The following SLC24A2 variants were observed in gnomAD, a reference collection of about 807,000 sequenced individuals.
SLC24A2 encodes solute carrier family 24 member 2.
A neutral mutation model predicts 62.0 loss-of-function variants in SLC24A2; 36 were observed. The observed-to-expected ratio is 0.58, with a 90% CI of 0.44 to 0.77. SLC24A2 has a LOEUF of 0.77. Among genes scored for constraint, SLC24A2 ranks in the 30% least tolerant of loss-of-function variants. The pLI is 0.00. For missense variants in SLC24A2, 846 were observed against 817.9 expected, an observed-to-expected ratio of 1.03 and a Z score of -0.42; for synonymous variants, 358 against 294.0, an observed-to-expected ratio of 1.22 and a Z score of -2.23.
the SLC24A2 span, among the ~76,000 whole-genome samples, chr9:19,973,593 A>G: frequency 2.6e-4 from 39 of 152,270 alleles, no homozygotes; most frequent in Non-Finnish European, 5.1e-4. Context: ...ATATTTCTGA[A>G]TTTTGTCCTC....
the SLC24A2 span, among the ~76,000 whole-genome samples, chr9:20,036,932 G>A: frequency 5.0e-5 from 1 of 19,856 alleles, no homozygotes; most frequent in Admixed American, 8.0e-4. Context: ...AGTTTTGCTC[G>A]TTACCCAGGC....
the SLC24A2 span, among the ~76,000 whole-genome samples, chr9:20,159,127 T>C: frequency 5.3e-5 from 8 of 151,674 alleles, no homozygotes; most frequent in East Asian, 1.9e-4. Context: ...TCAAGATTTA[T>C]ACCAAGGCAA....
chr9:20,118,338 T>C, the SLC24A2 span, among the ~76,000 whole-genome samples: 1 of 152,142 alleles, frequency 6.6e-6, no homozygotes, highest in Non-Finnish European at 1.5e-5. Context: ...GGAAATTCAT[T>C]ATACATTTCT....
chr9:19,856,497 GT>G, the SLC24A2 span, among the ~76,000 whole-genome samples: 135 of 152,124 alleles, frequency 8.9e-4, no homozygotes, highest in African/African-American at 3.1e-3. Flanking sequence ...TTATGTTGTT[GT>G]TGTTGCTGTT....
intron 7 of SLC24A2, among the ~76,000 whole-genome samples, chr9:19,559,809 T>TAAAC (rs1206236694): frequency 1.3e-5 from 2 of 152,202 alleles, no homozygotes; most frequent in South Asian, 2.1e-4. Context: ...CATTGTTTCC[T>TAAAC]AAACATATTG....
intron 2 of SLC24A2, among the ~76,000 whole-genome samples, chr9:19,743,822 A>G (rs773800547): frequency 1.3e-5 from 2 of 152,134 alleles, no homozygotes; most frequent in Admixed American, 1.3e-4. Flanking sequence ...TAGATACTCT[A>G]CAGAAGGATG....
At chr9:19,868,884 T>C in the SLC24A2 span, among the ~76,000 whole-genome samples, 8,728 of 152,270 alleles carry the variant, frequency 0.057, 345 homozygotes, top group African/African-American at 0.1. Context: ...GTCACTTTCA[T>C]TCAAAGTTGA....
At chr9:20,247,257 A>T in the SLC24A2 span, among the ~76,000 whole-genome samples, 1 of 152,142 alleles carries the variant, frequency 6.6e-6, no homozygotes, top group Non-Finnish European at 1.5e-5. Context: ...TTTTCTTTTC[A>T]AGCAAATCCC....
chr9:19,509,364 C>A lies in SLC24A2; in HGVS notation c.*6789G>T, dbSNP rs1170743518. ...ATAAGTAGATTAGGATTGCCTAGAACAATAATTGTAGTTAATAAAAAATAG... is the reference window on the plus strand; with the variant it reads ...ATAAGTAGATTAGGATTGCCTAGAAAAATAATTGTAGTTAATAAAAAATAG... On this transcript the variant is annotated 3_prime_UTR_variant, in exon 11 of 11. Transcript: ENST00000341998. 1 of 152,010 alleles carries A rather than the reference C, an allele frequency of 6.6e-6. No individual in the cohort carries two copies. Among genetic ancestry groups the A allele is most frequent in the Non-Finnish European group, 1.5e-5 (1 of 67,994 alleles). The allele number at this position is 152,010 out of a possible 1,614,324, so 9.4% of individuals were successfully genotyped here.
At chr9:19,941,763 C>T in the SLC24A2 span, among the ~76,000 whole-genome samples, 14 of 152,136 alleles carry the variant, frequency 9.2e-5, no homozygotes, top group East Asian at 3.9e-4. Flanking sequence ...GTAAATAACA[C>T]GATACTGGAT....
chr9:20,148,159 A>G, the SLC24A2 span, among the ~76,000 whole-genome samples: 289 of 152,094 alleles, frequency 1.9e-3, 3 homozygotes, highest in Admixed American at 0.016. Flanking sequence ...GCATTTTTAC[A>G]TCGATTTGAA....
chr9:19,806,110 T>C, the SLC24A2 span, among the ~76,000 whole-genome samples: 1 of 152,166 alleles, frequency 6.6e-6, no homozygotes, highest in Non-Finnish European at 1.5e-5. Context: ...AAAGAGTTAA[T>C]TTTATTTTAA....
the SLC24A2 span, chr9:19,928,357 A>G: frequency 1.3e-5 from 2 of 152,254 alleles, no homozygotes; most frequent in Admixed American, 6.5e-5. Flanking sequence ...GTATACAGCT[A>G]GAGTCTAAAA....
the SLC24A2 span, among the ~76,000 whole-genome samples, chr9:20,259,159 A>G: frequency 6.6e-6 from 1 of 152,170 alleles, no homozygotes; most frequent in Admixed American, 6.5e-5. Flanking sequence ...AAGACATGAA[A>G]ACAGATTCTC....
At chr9:19,832,203 G>A in the SLC24A2 span, among the ~76,000 whole-genome samples, 1 of 152,178 alleles carries the variant, frequency 6.6e-6, no homozygotes, top group Non-Finnish European at 1.5e-5. Flanking sequence ...GGTGAGCAGA[G>A]CATTCCAACT....
chr9:20,191,674 A>T, the SLC24A2 span, among the ~76,000 whole-genome samples: 14 of 151,486 alleles, frequency 9.2e-5, no homozygotes, highest in African/African-American at 3.4e-4. Flanking sequence ...TTCAGGGCAA[A>T]CTAGATATCC....
At chr9:19,828,108 A>G in the SLC24A2 span, among the ~76,000 whole-genome samples, 1 of 152,190 alleles carries the variant, frequency 6.6e-6, no homozygotes, top group Non-Finnish European at 1.5e-5. Flanking sequence ...CATTACAAGT[A>G]GAAGTGCAGG....
the SLC24A2 span, among the ~76,000 whole-genome samples, chr9:20,142,940 T>A: frequency 2.0e-5 from 3 of 152,182 alleles, no homozygotes; most frequent in Admixed American, 2.0e-4. Context: ...GGTCATCTGC[T>A]GGAGCCAGGG....
intron 9 of SLC24A2, among the ~76,000 whole-genome samples, chr9:19,527,113 C>G (rs1269184298): frequency 6.6e-6 from 1 of 152,096 alleles, no homozygotes; most frequent in African/African-American, 2.4e-5. Context: ...TTCACATGTT[C>G]TCAGTATATA....
Sources: allele counts gnomAD v4.1 joint callset (sites outside exome capture counted in the v4.1 genomes callset), GRCh38; gene constraint gnomAD v4.1.1; transcripts MANE v1.5; gene names NCBI Gene and HGNC (gene_info 2026-07-23, HGNC 2026-07-21).